SETBP1: variants seen among roughly 807,000 people sequenced by gnomAD.
SETBP1 encodes SET-binding protein.
SETBP1 carries 9 observed loss-of-function variants against 101.0 expected under a neutral mutation model. The observed-to-expected ratio is 0.09, with a 90% CI of 0.05 to 0.16. The LOEUF (loss-of-function observed/expected upper bound fraction) is 0.16. Ranked by LOEUF, SETBP1 falls within the 10% of genes least tolerant of loss-of-function variation. The pLI, the probability that SETBP1 is intolerant of heterozygous loss-of-function variation, is 1.00. For synonymous variants in SETBP1, 818 were observed against 788.5 expected (o/e 1.04, Z -0.63); for missense variants, 1,858 against 2,033.8 (o/e 0.91, Z 1.66).
intron 2 of SETBP1, among the ~76,000 whole-genome samples, chr18:44,756,848 G>T (rs1040108047): frequency 1.3e-5 from 2 of 152,130 alleles, no homozygotes; most frequent in Admixed American, 1.3e-4. Flanking sequence ...ACCCCTCTAT[G>T]TGGGGAGAAT....
intron 2 of SETBP1, among the ~76,000 whole-genome samples, chr18:44,809,610 T>G (rs768934090): frequency 1.3e-5 from 2 of 152,162 alleles, no homozygotes; most frequent in Non-Finnish European, 2.9e-5. Flanking sequence ...GTCAAGCAAT[T>G]TGTCCCTAAT....
intron 2 of SETBP1, among the ~76,000 whole-genome samples, chr18:44,715,315 G>A (rs939070213): frequency 6.6e-6 from 1 of 152,054 alleles, no homozygotes; most frequent in Non-Finnish European, 1.5e-5. Context: ...CACAGCGGCA[G>A]TGAGGCGTGG....
intron 3 of SETBP1, among the ~76,000 whole-genome samples, chr18:44,893,062 T>C (rs2069809349): frequency 6.6e-6 from 1 of 152,206 alleles, no homozygotes; most frequent in Non-Finnish European, 1.5e-5. Flanking sequence ...GATGACTATT[T>C]TAGCAACCAT....
chr18:44,912,060 G>A (rs1218911066), intron 3 of SETBP1, among the ~76,000 whole-genome samples: 1 of 152,168 alleles, frequency 6.6e-6, no homozygotes, highest in Admixed American at 6.5e-5. Flanking sequence ...CAGCAGGGGT[G>A]AGAAGATGGA....
At chr18:44,804,907 C>A (rs989864292) in intron 2 of SETBP1, among the ~76,000 whole-genome samples, 5 of 152,108 alleles carry the variant, frequency 3.3e-5, no homozygotes, top group Non-Finnish European at 7.4e-5. Context: ...TTCCACTCCT[C>A]CAGGCCATGT....
intron 4 of SETBP1, among the ~76,000 whole-genome samples, chr18:44,975,084 G>A (rs1247791080): frequency 6.6e-6 from 1 of 152,126 alleles, no homozygotes; most frequent in Non-Finnish European, 1.5e-5. Context: ...ATCAGTAAGG[G>A]GTACAAAGAT....
chr18:44,979,958 T>G (rs1309924474), intron 4 of SETBP1, among the ~76,000 whole-genome samples: 2 of 152,164 alleles, frequency 1.3e-5, no homozygotes, highest in African/African-American at 4.8e-5. Flanking sequence ...AATTTGGAGG[T>G]ATGGAAATTT....
intron 4 of SETBP1, among the ~76,000 whole-genome samples, chr18:44,962,225 A>G (rs764613880): frequency 2.0e-5 from 3 of 152,232 alleles, no homozygotes; most frequent in Non-Finnish European, 4.4e-5. Flanking sequence ...TCAGTGAAAG[A>G]CAAAGTCTTG....
chr18:45,001,437 A>G (rs931460946), intron 4 of SETBP1, among the ~76,000 whole-genome samples: 58 of 152,212 alleles, frequency 3.8e-4, no homozygotes, highest in African/African-American at 1.3e-3. Flanking sequence ...AAAATAGAGG[A>G]AAGCCAATAC....
chr18:44,979,158 G>C lies in SETBP1; in HGVS notation c.4000+25818G>C, dbSNP rs1485970542. On this transcript the variant is annotated intron_variant, in intron 4 of 5. Coordinates refer to ENST00000649279, the MANE Select transcript of SETBP1 (RefSeq NM_015559.3). ...TGACTGCTACCACAACACCATGAGA[G>C]GACTTCTACGGGCTTTTTGGCCATT... 2.0e-5 allele frequency among the ~76,000 whole-genome samples: 3 copies of C among 152,322 alleles called. No homozygotes were observed. The East Asian group carries it at 5.8e-4, about 29-fold the overall frequency.
At chr18:44,926,577 T>C (rs2070709680) in intron 3 of SETBP1, among the ~76,000 whole-genome samples, 1 of 152,100 alleles carries the variant, frequency 6.6e-6, no homozygotes, top group African/African-American at 2.4e-5. Context: ...CAGAAGTGCC[T>C]ATCCCAAAAC....
intron 3 of SETBP1, among the ~76,000 whole-genome samples, chr18:44,887,932 G>A (rs80008719): frequency 0.091 from 13,805 of 152,148 alleles, 677 homozygotes; most frequent in East Asian, 0.15. Context: ...TCCAAAATAC[G>A]AGGGCTCAGT....
chr18:45,002,362 G>A (rs2072635352), intron 4 of SETBP1, among the ~76,000 whole-genome samples: 5 of 149,548 alleles, frequency 3.3e-5, no homozygotes, highest in Non-Finnish European at 5.9e-5. Flanking sequence ...AAACAAGGCT[G>A]AGCACACAGC....
chr18:44,869,540 C>T lies in SETBP1; in HGVS notation c.540+257C>T, dbSNP rs372103634. 4.0e-5 allele frequency: 16 copies of T among 395,402 alleles called. No homozygotes were observed. The East Asian group carries it at 5.2e-4, about 13-fold the overall frequency. 24.5% of individuals were successfully genotyped at this position (395,402 alleles called of 1,614,324 possible). A position where few individuals can be genotyped will look rare whatever the true frequency, so the allele number is the denominator to read the frequency against. On this transcript the variant is annotated intron_variant, in intron 3 of 5. Transcript: ENST00000649279. Reference sequence around the variant, plus strand: ...AAAAATATATAGAGATCAAGATGCTCGGAATGTTAAGTGTTGGGGATTCAG... The same window carrying T: ...AAAAATATATAGAGATCAAGATGCTTGGAATGTTAAGTGTTGGGGATTCAG...
intron 5 of SETBP1, among the ~76,000 whole-genome samples, chr18:45,058,512 C>T (rs182055567): frequency 6.6e-6 from 1 of 152,170 alleles, no homozygotes; most frequent in Non-Finnish European, 1.5e-5. Flanking sequence ...CCAAGAGCAT[C>T]TGGTTCAGCC....
In SETBP1 at chr18:44,951,356, C is replaced by T. The variant is rs984928875; in HGVS notation, c.2016C>T (p.Leu672=). Residue 672 remains leucine, a synonymous_variant, in exon 4 of 6, where the codon CTC becomes CTT. Transcript: ENST00000649279. This position sits in a 1 kb window ranked among gnomAD's most constrained non-coding sequence, Gnocchi z 7.8. ...AAACTATCAATAAGATGAAGACACT[C>T]AAGAGGAAAAACATCTTGAATCAGA... ...TIKTINKMKT[L]KRKNILNQIL... 1.2e-6 allele frequency: 2 copies of T among 1,613,922 alleles called. No individual in the cohort carries two copies. The highest frequency in any genetic ancestry group is 1.7e-6 in the Non-Finnish European group (2 of 1,180,046).
chr18:44,876,819 G>A (rs1279759216), intron 3 of SETBP1: 52 of 1,437,140 alleles, frequency 3.6e-5, no homozygotes, highest in Non-Finnish European at 4.4e-5. Context: ...CAACAATGGA[G>A]ACTTGCCCAA....
Position 44,853,406 on chromosome 18 carries a change from A to G in SETBP1, c.487-15824A>G, listed in dbSNP as rs1599225353. Among the ~76,000 whole-genome samples, 6 of 152,196 alleles carry G rather than the reference A, an allele frequency of 3.9e-5. No homozygotes were observed. The South Asian group carries it at 6.2e-4, about 16-fold the overall frequency. On this transcript the variant is annotated intron_variant, in intron 2 of 5. Transcript: ENST00000649279. ...GAGCCTCGCCATACCCCTTAAAGAT[A>G]TCACAGGATGGAGGGAAGACTAACT...
At chr18:44,697,544 A>G (rs2069040803) in intron 1 of SETBP1, among the ~76,000 whole-genome samples, 1 of 152,170 alleles carries the variant, frequency 6.6e-6, no homozygotes, top group Non-Finnish European at 1.5e-5. Context: ...GGGCGAAGCC[A>G]TTTTCATTCA....
Sources: gnomAD v4.1 joint callset for allele counts (sites outside exome capture counted in the v4.1 genomes callset) on GRCh38, gnomAD v4.1.1 for gene constraint, Gnocchi (gnomAD v3.1) non-coding constraint, MANE v1.5 for transcripts, NCBI Gene and HGNC (gene_info 2026-07-23, HGNC 2026-07-21) for gene names.